The following ITGAV variants were observed in gnomAD, a reference collection of about 807,000 sequenced individuals.
ITGAV encodes integrin alpha-V.
Under a neutral mutation model 143.8 loss-of-function variants are expected in ITGAV, and 76 were observed. The ratio of observed to expected loss-of-function variants is 0.53; its 90% CI spans 0.44 to 0.64. ITGAV has a LOEUF of 0.64. Among genes scored for constraint, ITGAV ranks in the 30% least tolerant of loss-of-function variants. ITGAV has a pLI of 0.00. For synonymous variants in ITGAV, 453 were observed against 446.7 expected, an observed-to-expected ratio of 1.01 and a Z score of -0.18; for missense variants, 1,193 against 1,274.7, an observed-to-expected ratio of 0.94 and a Z score of 0.98.
chr2:186,615,711 T>C (rs1381346062), intron 2 of ITGAV, among the ~76,000 whole-genome samples: 2 of 152,006 alleles, frequency 1.3e-5, no homozygotes, highest in African/African-American at 2.4e-5. Flanking sequence ...AGGATACAAG[T>C]TTTTAATCCA....
intron 18 of ITGAV, among the ~76,000 whole-genome samples, chr2:186,661,197 T>C (rs1688732997): frequency 6.6e-6 from 1 of 152,200 alleles, no homozygotes; most frequent in Admixed American, 6.5e-5. Context: ...TATATACTTT[T>C]AACACATCTA....
At chr2:186,615,101 A>G (rs1241308367) in intron 2 of ITGAV, among the ~76,000 whole-genome samples, 1 of 152,148 alleles carries the variant, frequency 6.6e-6, no homozygotes, top group Non-Finnish European at 1.5e-5. Flanking sequence ...AAACAGAATT[A>G]TATGATACAT....
At chr2:186,659,562 T>C (rs1688684474) in intron 18 of ITGAV, among the ~76,000 whole-genome samples, 1 of 151,986 alleles carries the variant, frequency 6.6e-6, no homozygotes, top group South Asian at 2.1e-4. Flanking sequence ...AATAAATAAT[T>C]CTTTTCAGAA....
chr2:186,667,820 A>G, intron 24 of ITGAV, 44 bp downstream of exon 24: 2 of 1,248,368 alleles, frequency 1.6e-6, no homozygotes, highest in East Asian at 2.4e-5. Flanking sequence ...GAGCAAGCCA[A>G]CGAAGAGAGG....
chr2:186,652,138 C>A, intron 15 of ITGAV, 49 bp downstream of exon 15: 1 of 1,147,100 alleles, frequency 8.7e-7, no homozygotes, highest in Non-Finnish European at 1.3e-6. Context: ...ATTGTTCAGG[C>A]ATTGTAAGAA....
rs749164618 is a variant in ITGAV at position 186,667,765 on chromosome 2, C to T, written c.2422C>T (p.His808Tyr). 3 of 1,606,850 alleles carry T rather than the reference C, an allele frequency of 1.9e-6. No individual in the cohort carries two copies. Among genetic ancestry groups the T allele is most frequent in the Non-Finnish European group, 8.5e-7 (1 of 1,174,848 alleles). Residue 808 changes from histidine (H) to tyrosine (Y), a missense_variant, in exon 24 of 30, where the codon CAC becomes TAC. By Grantham distance (83) the His-to-Tyr change is moderately conservative. Coordinates refer to ENST00000261023, the MANE Select transcript of ITGAV (RefSeq NM_002210.5). ...AGAAGATGTTGGGCCAGTTGTTCAG[C>T]ACATCTATGAGGTTTGCAGTTGTTA... ...TEEDVGPVVQ[H>Y]IYELRNNGPS...
chr2:186,592,065 A>G (rs1686629577), intron 1 of ITGAV, among the ~76,000 whole-genome samples: 1 of 152,212 alleles, frequency 6.6e-6, no homozygotes, highest in Non-Finnish European at 1.5e-5. Flanking sequence ...AGTTGCTCCC[A>G]AGGGTTCAAT....
chr2:186,666,702 AGCT>A lies in ITGAV; in HGVS notation c.2167-1_2168del. 6.5e-7 allele frequency: 1 copy of A among 1,534,138 alleles called. No homozygotes were observed. The highest frequency in any genetic ancestry group is 8.8e-7 in the Non-Finnish European group (1 of 1,142,094). On this transcript the variant is annotated splice_acceptor_variant and coding_sequence_variant, in exon 22 of 30. Transcript: ENST00000261023. LOFTEE classifies it high-confidence loss of function. ...ATTACTATCTTTTCCTCTCTCCTTT[AGCT>A]CTTAGCTGGTCTTCGTTTCAGTGTG...
At chr2:186,619,415 G>C (rs1371220062) in intron 2 of ITGAV, among the ~76,000 whole-genome samples, 1 of 152,112 alleles carries the variant, frequency 6.6e-6, no homozygotes, top group Non-Finnish European at 1.5e-5. Flanking sequence ...GGGAGAATGG[G>C]AAAATAGAGA....
intron 18 of ITGAV, among the ~76,000 whole-genome samples, chr2:186,663,107 C>T (rs1688792871): frequency 6.6e-6 from 1 of 152,098 alleles, no homozygotes; most frequent in African/African-American, 2.4e-5. Context: ...GGAACATTCT[C>T]CTGGCCAGAT....
chr2:186,645,639 A>G (rs575684187), intron 12 of ITGAV, among the ~76,000 whole-genome samples: 1 of 152,180 alleles, frequency 6.6e-6, no homozygotes, highest in African/African-American at 2.4e-5. Context: ...TTGAAGAGAA[A>G]GTTACAGGCA....
intron 13 of ITGAV, among the ~76,000 whole-genome samples, chr2:186,648,914 G>A (rs1688338820): frequency 6.7e-6 from 1 of 148,864 alleles, no homozygotes; most frequent in African/African-American, 2.5e-5. Flanking sequence ...TTTCATTTGT[G>A]TGTATATATA....
chr2:186,630,672 A>T lies in ITGAV; in HGVS notation c.524-125A>T, dbSNP rs1687792447. 6.5e-6 allele frequency: 4 copies of T among 611,258 alleles called. No homozygotes were observed. The South Asian group carries it at 8.9e-5, about 14-fold the overall frequency. The allele number at this position is 611,258 out of a possible 1,614,324, so 37.9% of individuals were successfully genotyped here. ...GAATGTGGTAATAACTAAGTGCCCGAGTGAATGACCACTCTCAAAAATTGG... is the reference window on the plus strand; with the variant it reads ...GAATGTGGTAATAACTAAGTGCCCGTGTGAATGACCACTCTCAAAAATTGG... On this transcript the variant is annotated intron_variant, in intron 4 of 29. Transcript: ENST00000261023.
At chr2:186,667,297 T>A (rs970883799) in intron 23 of ITGAV, 67 bp downstream of exon 23, 22 of 1,226,704 alleles carry the variant, frequency 1.8e-5, no homozygotes, top group Non-Finnish European at 2.6e-5. Flanking sequence ...CTGTCAGGCC[T>A]TAGCCTTTTC....
chr2:186,640,975 T>TAA lies in ITGAV; in HGVS notation c.956+16_956+17dup. The TAA allele has an allele frequency of 6.4e-7, 1 of 1,565,208 alleles. No individual in the cohort carries two copies. Among genetic ancestry groups the TAA allele is most frequent in the Non-Finnish European group, 8.7e-7 (1 of 1,146,456 alleles). On this transcript the variant is annotated intron_variant, in intron 11 of 29. Transcript: ENST00000261023. ...TGACATTAATGGAGATGAGTAAGTT[T>TAA]AAAAAAAAATGTTTCCAGAAAGTTA...
At chr2:186,606,007 A>T (rs1017964742) in intron 2 of ITGAV, among the ~76,000 whole-genome samples, 1 of 151,982 alleles carries the variant, frequency 6.6e-6, no homozygotes, top group Non-Finnish European at 1.5e-5. Flanking sequence ...TAGTATTTTT[A>T]TTCAAATGGT....
chr2:186,641,802 T>C (rs1688111549), intron 12 of ITGAV: 1 of 541,446 alleles, frequency 1.8e-6, no homozygotes, highest in Non-Finnish European at 3.3e-6. Context: ...CATGAGTTAT[T>C]ATTCACTTGG....
At chr2:186,615,913 A>G (rs1014708666) in intron 2 of ITGAV, among the ~76,000 whole-genome samples, 1 of 152,052 alleles carries the variant, frequency 6.6e-6, no homozygotes, top group African/African-American at 2.4e-5. Flanking sequence ...TTCTTTTAAG[A>G]GTTTTATAGT....
intron 14 of ITGAV, among the ~76,000 whole-genome samples, chr2:186,651,034 A>G (rs1364722830): frequency 6.6e-6 from 1 of 152,198 alleles, no homozygotes; most frequent in African/African-American, 2.4e-5. Context: ...TTAGAGCAAT[A>G]TGTATGAATT....
Sources: allele counts gnomAD v4.1 joint callset (sites outside exome capture counted in the v4.1 genomes callset), GRCh38; gene constraint gnomAD v4.1.1; transcripts MANE v1.5; gene names NCBI Gene and HGNC (gene_info 2026-07-23, HGNC 2026-07-21).